Variants in GABRB1 observed in about 807,000 individuals in gnomAD.
The protein encoded by GABRB1 is gamma-aminobutyric acid receptor subunit beta-1.
A neutral mutation model predicts 51.6 loss-of-function variants in GABRB1; 17 were observed. The ratio of observed to expected loss-of-function variants is 0.33; its 90% confidence interval spans 0.23 to 0.49. The LOEUF (loss-of-function observed/expected upper bound fraction) is 0.49, where lower values mean the gene tolerates loss of function less well. Ranked by LOEUF, GABRB1 falls within the 20% of genes least tolerant of loss-of-function variation. The pLI is 0.99. For synonymous variants in GABRB1, 247 were observed against 218.9 expected, an observed-to-expected ratio of 1.13 and a Z score of -1.14; for missense variants, 410 against 600.6, an observed-to-expected ratio of 0.68 and a Z score of 3.32.
chr4:47,366,662 T>C (rs1209660372), intron 5 of GABRB1, among the ~76,000 whole-genome samples: 1 of 152,188 alleles, frequency 6.6e-6, no homozygotes, highest in East Asian at 1.9e-4. Context: ...ATCCCCCCTT[T>C]TGAAACATAT....
chr4:47,417,501 C>T (rs1439425135), intron 8 of GABRB1, among the ~76,000 whole-genome samples: 1 of 151,748 alleles, frequency 6.6e-6, no homozygotes, highest in African/African-American at 2.4e-5. Context: ...CAGGGTTTGG[C>T]AGCCCTGGTG....
chr4:47,175,013 C>T (rs1399108187), intron 4 of GABRB1, among the ~76,000 whole-genome samples: 1 of 138,796 alleles, frequency 7.2e-6, no homozygotes, highest in African/African-American at 2.7e-5. Context: ...CCTCTCTCTT[C>T]CTTCTTTCTT....
chr4:47,262,937 G>T lies in GABRB1; in HGVS notation c.462-57190G>T, dbSNP rs974393735. On this transcript the variant is annotated intron_variant, in intron 4 of 8. Coordinates refer to ENST00000295454, the MANE Select transcript of GABRB1 (RefSeq NM_000812.4). ...AAACCATCATTCTCAGCAAACTATT[G>T]CAAGGACAAAAAACCAAACACCGCA... is the stretch of plus-strand genomic sequence containing the variant. 3.3e-5 allele frequency among the ~76,000 whole-genome samples: 5 copies of T among 150,524 alleles called. No homozygotes were observed. In the East Asian group the frequency reaches 9.9e-4, roughly 30 times the overall value.
intron 1 of GABRB1, among the ~76,000 whole-genome samples, chr4:47,019,638 T>TC (rs1724857476): frequency 7.8e-6 from 1 of 128,986 alleles, no homozygotes; most frequent in Non-Finnish European, 1.6e-5. Context: ...TTTCTTTCTT[T>TC]CTTTCTTTCT....
rs1318991462 is a variant in GABRB1 at position 47,091,967 on chromosome 4, A to G, written c.240+59483A>G. ...TCACACTCCATCTATCTCTGTTCAA[A>G]TATTTCTTCTTCAAAGATACTTCCC... is the stretch of plus-strand genomic sequence containing the variant. On this transcript the variant is annotated intron_variant, in intron 3 of 8. Transcript: ENST00000295454. 2.0e-5 allele frequency among the ~76,000 whole-genome samples: 3 copies of G among 152,012 alleles called. No homozygotes were observed. In the East Asian group the frequency reaches 5.8e-4, roughly 29 times the overall value.
At chr4:47,159,587 A>G (rs1394990229) in intron 3 of GABRB1, among the ~76,000 whole-genome samples, 4 of 152,082 alleles carry the variant, frequency 2.6e-5, no homozygotes, top group Non-Finnish European at 2.9e-5. Flanking sequence ...CTAACAGTCA[A>G]ACGTGAATAT....
intron 4 of GABRB1, among the ~76,000 whole-genome samples, chr4:47,280,641 T>A (rs1283064929): frequency 1.3e-5 from 2 of 151,630 alleles, no homozygotes; most frequent in African/African-American, 4.8e-5. Flanking sequence ...CAACACTATT[T>A]TATTTTTTTT....
chr4:47,378,202 A>G (rs1252843513), intron 5 of GABRB1, among the ~76,000 whole-genome samples: 1 of 152,216 alleles, frequency 6.6e-6, no homozygotes, highest in South Asian at 2.1e-4. Context: ...CCCCGCGGGA[A>G]GGCAGCTAAG....
chr4:47,297,171 T>C (rs1050717814), intron 4 of GABRB1, among the ~76,000 whole-genome samples: 4 of 151,496 alleles, frequency 2.6e-5, no homozygotes, highest in African/African-American at 7.3e-5. Flanking sequence ...AGATCCAAAA[T>C]TGACACCCTA....
intron 8 of GABRB1, among the ~76,000 whole-genome samples, chr4:47,409,489 C>T (rs1370398043): frequency 6.6e-6 from 1 of 152,168 alleles, no homozygotes; most frequent in Non-Finnish European, 1.5e-5. Context: ...CATTCAGACA[C>T]TCCTTCTCTT....
chr4:47,056,163 A>T (rs933660470), intron 3 of GABRB1, among the ~76,000 whole-genome samples: 10 of 152,182 alleles, frequency 6.6e-5, no homozygotes, highest in African/African-American at 2.2e-4. Context: ...CCTCATTGAA[A>T]AATAGACCTT....
chr4:47,415,487 TG>T (rs920532978), intron 8 of GABRB1, among the ~76,000 whole-genome samples: 20 of 152,294 alleles, frequency 1.3e-4, no homozygotes, highest in African/African-American at 4.1e-4. Flanking sequence ...GGCCTAGGAT[TG>T]AGTCTTTTTG....
At chr4:47,383,409 T>G (rs1387762035) in intron 5 of GABRB1, among the ~76,000 whole-genome samples, 1 of 152,044 alleles carries the variant, frequency 6.6e-6, no homozygotes, top group African/African-American at 2.4e-5. Flanking sequence ...ATTTAAAAAT[T>G]GAATTGGGTA....
chr4:47,413,386 A>G (rs1258717337), intron 8 of GABRB1, among the ~76,000 whole-genome samples: 1 of 152,230 alleles, frequency 6.6e-6, no homozygotes, highest in Non-Finnish European at 1.5e-5. Context: ...TTCTAAAACC[A>G]AAAGTCCAGA....
At chr4:47,005,277 G>T (rs1346083808) in intron 1 of GABRB1, among the ~76,000 whole-genome samples, 4 of 152,172 alleles carry the variant, frequency 2.6e-5, no homozygotes, top group Non-Finnish European at 4.4e-5. Context: ...AATTAGCCAG[G>T]CATGGTGGCG....
intron 4 of GABRB1, among the ~76,000 whole-genome samples, chr4:47,284,575 A>G (rs1422615927): frequency 1.3e-5 from 2 of 152,172 alleles, no homozygotes; most frequent in Admixed American, 6.5e-5. Context: ...TTCACAACAT[A>G]TAATTCTGAG....
intron 4 of GABRB1, among the ~76,000 whole-genome samples, chr4:47,265,460 G>T (rs1722611500): frequency 6.6e-6 from 1 of 151,596 alleles, no homozygotes; most frequent in Non-Finnish European, 1.5e-5. Context: ...TTTCCTTTGG[G>T]TGTGGGATTG....
intron 3 of GABRB1, among the ~76,000 whole-genome samples, chr4:47,147,263 C>T (rs1252876609): frequency 1.4e-5 from 2 of 144,636 alleles, no homozygotes; most frequent in Admixed American, 1.4e-4. Context: ...TCCACAGCAA[C>T]CAATTTAAGT....
At chr4:47,101,197 T>C (rs1323255932) in intron 3 of GABRB1, among the ~76,000 whole-genome samples, 1 of 152,040 alleles carries the variant, frequency 6.6e-6, no homozygotes, top group African/African-American at 2.4e-5. Context: ...CCTCAATGCA[T>C]AGCACATGTT....
Sources: gnomAD v4.1 joint callset for allele counts (sites outside exome capture counted in the v4.1 genomes callset) on GRCh38, gnomAD v4.1.1 for gene constraint, MANE v1.5 for transcripts, NCBI Gene and HGNC (gene_info 2026-07-23, HGNC 2026-07-21) for gene names.